Variants in HEATR3 observed in about 807,000 individuals in gnomAD.
HEATR3 encodes HEAT repeat containing 3.
HEATR3 carries 56 observed loss-of-function variants against 72.8 expected under a neutral mutation model. That is an observed-to-expected ratio of 0.77 (90% CI 0.62 to 0.96). The LOEUF (loss-of-function observed/expected upper bound fraction) is 0.96, where lower values mean the gene tolerates loss of function less well. HEATR3 is among the 40% of genes least tolerant of loss of function. The probability of loss-of-function intolerance (pLI) is 0.00; values close to 1 mark genes in which losing one functional copy is unlikely to be tolerated. For synonymous variants in HEATR3, 331 were observed against 318.1 expected (o/e 1.04, Z -0.43); for missense variants, 747 against 831.4 (o/e 0.90, Z 1.25).
Position 50,107,007 on chromosome 16 carries a change from A to T in HEATR3, c.*1946A>T, listed in dbSNP as rs540238096. ...AATTTTAAGGTATATATGTATGTTT[A>T]GTGATCATTTCAGCTAAATGATTGG... is the stretch of plus-strand genomic sequence containing the variant. On this transcript the variant is annotated 3_prime_UTR_variant, in exon 15 of 15. Coordinates refer to ENST00000299192, the MANE Select transcript of HEATR3 (RefSeq NM_182922.4). Among the ~76,000 whole-genome samples the T allele has an allele frequency of 6.6e-6, 1 of 152,304 alleles. No individual in the cohort carries two copies. The highest frequency in any genetic ancestry group is 1.9e-4 in the East Asian group (1 of 5,184).
Position 50,105,249 on chromosome 16 carries a change from C to G in HEATR3, c.*188C>G, listed in dbSNP as rs965570774. 36 of 527,622 alleles carry G rather than the reference C, an allele frequency of 6.8e-5. No individual in the cohort carries two copies. Among genetic ancestry groups the G allele is most frequent in the East Asian group, 5.3e-4 (13 of 24,326 alleles). The allele number at this position is 527,622 out of a possible 1,614,324, so 32.7% of individuals were successfully genotyped here. ...CTATAATCCCAGCACCTTGGGAGACCGAGGCGGGTGGATCACTTGAGGTCA... is the reference window on the plus strand; with the variant it reads ...CTATAATCCCAGCACCTTGGGAGACGGAGGCGGGTGGATCACTTGAGGTCA... On this transcript the variant is annotated 3_prime_UTR_variant, in exon 15 of 15. Coordinates refer to ENST00000299192, the MANE Select transcript of HEATR3 (RefSeq NM_182922.4).
At chr16:50,075,812 C>A (rs747532365) in intron 6 of HEATR3, 101 bp downstream of exon 6, 2 of 957,154 alleles carry the variant, frequency 2.1e-6, no homozygotes, top group South Asian at 1.6e-5. Flanking sequence ...ATTAGGTCTT[C>A]TGTGCTTTTA....
rs573512840 is a variant in HEATR3 at position 50,105,222 on chromosome 16, G to A, written c.*161G>A. ...AACCTGGCCAGGCATGGTGGCTCAC[G>A]CCTATAATCCCAGCACCTTGGGAGA... is the stretch of plus-strand genomic sequence containing the variant. On this transcript the variant is annotated 3_prime_UTR_variant, in exon 15 of 15. Transcript: ENST00000299192. The A allele has an allele frequency of 5.0e-5, 36 of 722,644 alleles. No individual in the cohort carries two copies. The highest frequency in any genetic ancestry group is 2.2e-4 in the East Asian group (7 of 31,462). The allele number at this position is 722,644 out of a possible 1,614,324, so 44.8% of individuals were successfully genotyped here.
At chr16:50,068,102 C>T (rs2036537653) in intron 2 of HEATR3, among the ~76,000 whole-genome samples, 1 of 152,042 alleles carries the variant, frequency 6.6e-6, no homozygotes, top group South Asian at 2.1e-4. Context: ...TGTGGAAAGC[C>T]CTTCCCTTCC....
At chr16:50,101,230 C>A (rs921977972) in intron 13 of HEATR3, among the ~76,000 whole-genome samples, 9 of 151,842 alleles carry the variant, frequency 5.9e-5, no homozygotes, top group African/African-American at 2.2e-4. Context: ...ATTCTTCTGC[C>A]TCAGCCTCCC....
In HEATR3 at chr16:50,077,043, A is replaced by AT. The variant is rs1049421077; in HGVS notation, c.763+1344dup. ...CCACCACGCCCAGCTAATTTTTTGT[A>AT]TTTTTTTTTTTTAGTAAAGACGGGG... On this transcript the variant is annotated intron_variant, in intron 6 of 14. Coordinates refer to ENST00000299192, the MANE Select transcript of HEATR3 (RefSeq NM_182922.4). Among the ~76,000 whole-genome samples, 563 of 141,146 alleles carry AT rather than the reference A, an allele frequency of 4.0e-3. 6 individuals carry two copies. Among genetic ancestry groups the AT allele is most frequent in the African/African-American group, 0.011 (415 of 38,590 alleles). 92.6% of individuals were successfully genotyped at this position (141,146 alleles called of 152,430 possible).
intron 4 of HEATR3, among the ~76,000 whole-genome samples, 199 bp downstream of exon 4, chr16:50,070,489 C>T (rs955266376): frequency 1.1e-4 from 16 of 152,070 alleles, no homozygotes; most frequent in African/African-American, 2.7e-4. Context: ...CACTTGAGGT[C>T]GGGAGTTTGA....
At chr16:50,099,878 C>T (rs4785381) in intron 12 of HEATR3, among the ~76,000 whole-genome samples, 120,430 of 152,226 alleles carry the variant, frequency 0.79, 47,776 homozygotes, top group Middle Eastern at 0.84. Context: ...TTTTTAAAAC[C>T]ACACAATCCT....
At chr16:50,096,450 T>TA (rs1203332717) in intron 12 of HEATR3, among the ~76,000 whole-genome samples, 2 of 151,946 alleles carry the variant, frequency 1.3e-5, no homozygotes, top group Non-Finnish European at 2.9e-5. Context: ...TTATTATCTC[T>TA]AAAAAAAATT....
intron 3 of HEATR3, 98 bp downstream of exon 3, chr16:50,068,965 C>T (rs940279193): frequency 7.8e-6 from 6 of 773,988 alleles, no homozygotes; most frequent in Non-Finnish European, 8.7e-6. Flanking sequence ...TCTATCTAAA[C>T]ATCTTATGGA....
chr16:50,068,263 ATTCTC>A (rs2036540835), intron 2 of HEATR3, among the ~76,000 whole-genome samples: 1 of 152,180 alleles, frequency 6.6e-6, no homozygotes, highest in Non-Finnish European at 1.5e-5. Context: ...AGGGGGTGTC[ATTCTC>A]AGTAGCCCCA....
chr16:50,076,859 C>T (rs1444869969), intron 6 of HEATR3, among the ~76,000 whole-genome samples: 4 of 147,102 alleles, frequency 2.7e-5, no homozygotes, highest in African/African-American at 1.0e-4. Flanking sequence ...ACCACCACAC[C>T]TGGCTATTTT....
chr16:50,089,420 A>G (rs62029882), intron 11 of HEATR3, among the ~76,000 whole-genome samples: 11,776 of 152,078 alleles, frequency 0.077, 548 homozygotes, highest in Middle Eastern at 0.14. Flanking sequence ...TGCCTATGTA[A>G]TGGGTTTGGA....
chr16:50,079,609 AGTCT>A (rs879552175), intron 7 of HEATR3, among the ~76,000 whole-genome samples: 4 of 152,150 alleles, frequency 2.6e-5, no homozygotes, highest in Non-Finnish European at 5.9e-5. Context: ...CAGCTGACAC[AGTCT>A]GCAGAGAGAG....
intron 13 of HEATR3, 146 bp downstream of exon 13, chr16:50,100,519 C>A: frequency 1.4e-6 from 1 of 727,646 alleles, no homozygotes; most frequent in Non-Finnish European, 2.3e-6. Context: ...TTAGAATATA[C>A]CCTTTGGCTT....
In HEATR3 at chr16:50,105,170, A is replaced by C; in HGVS notation, c.*109A>C. 8.4e-7 allele frequency: 1 copy of C among 1,186,282 alleles called. No homozygotes were observed. The allele number at this position is 1,186,282 out of a possible 1,614,324, so 73.5% of individuals were successfully genotyped here. On this transcript the variant is annotated 3_prime_UTR_variant, in exon 15 of 15. Coordinates refer to ENST00000299192, the MANE Select transcript of HEATR3 (RefSeq NM_182922.4). ...CTGAAAGTCATTTTTTAATGATTAC[A>C]TTCTGTACATTCTGTAAAAACTTCA...
chr16:50,078,291 G>A (rs60827945), intron 6 of HEATR3, among the ~76,000 whole-genome samples: 3 of 151,998 alleles, frequency 2.0e-5, no homozygotes, highest in African/African-American at 7.3e-5. Context: ...CTTAATGATA[G>A]CTCCTGTTCT....
At chr16:50,095,677 G>C (rs764336036) in intron 12 of HEATR3, among the ~76,000 whole-genome samples, 1 of 151,944 alleles carries the variant, frequency 6.6e-6, no homozygotes, top group Non-Finnish European at 1.5e-5. Context: ...ACAGGTGTGC[G>C]CTACCATGTC....
rs1207089884 is a variant in HEATR3 at position 50,078,671 on chromosome 16, C to G, written c.764-70C>G. 4.8e-6 allele frequency: 7 copies of G among 1,471,270 alleles called. No individual in the cohort carries two copies. The East Asian group carries it at 1.6e-4, about 34-fold the overall frequency. The allele number at this position is 1,471,270 out of a possible 1,614,324, so 91.1% of individuals were successfully genotyped here. A position where few individuals can be genotyped will look rare whatever the true frequency, so the allele number is the denominator to read the frequency against. The stretch of plus-strand genomic sequence containing the variant: ...TTACACTGGCCTTAAAAGCTCCAGT[C>G]TTGTGAAAACTTAAACTTAGTAAAA... On this transcript the variant is annotated intron_variant, in intron 6 of 14. Coordinates refer to ENST00000299192, the MANE Select transcript of HEATR3 (RefSeq NM_182922.4).
Sources: gnomAD v4.1 joint callset for allele counts (sites outside exome capture counted in the v4.1 genomes callset) on GRCh38, gnomAD v4.1.1 for gene constraint, MANE v1.5 for transcripts, NCBI Gene and HGNC (gene_info 2026-07-23, HGNC 2026-07-21) for gene names.